CNTN3: variants seen among roughly 807,000 people sequenced by gnomAD.
The protein encoded by CNTN3 is contactin-3.
A neutral mutation model predicts 119.1 loss-of-function variants in CNTN3; 60 were observed. That is an observed-to-expected ratio of 0.50 (90% CI 0.41 to 0.62). The LOEUF is 0.62. Among genes scored for constraint, CNTN3 ranks in the 20% least tolerant of loss-of-function variants. The pLI, the probability that CNTN3 is intolerant of heterozygous loss-of-function variation, is 0.00. For synonymous variants in CNTN3, 450 were observed against 438.7 expected (o/e 1.03, Z -0.32); for missense variants, 1,101 against 1,242.4 (o/e 0.89, Z 1.71).
chr3:74,578,260 A>T (rs761846819), intron 1 of CNTN3, among the ~76,000 whole-genome samples: 4 of 152,082 alleles, frequency 2.6e-5, no homozygotes, highest in Non-Finnish European at 5.9e-5. Flanking sequence ...GGAAAAAAAT[A>T]CATTAATAAA....
intron 1 of CNTN3, among the ~76,000 whole-genome samples, chr3:74,590,950 T>C (rs1704692494): frequency 6.6e-6 from 1 of 151,976 alleles, no homozygotes; most frequent in African/African-American, 2.4e-5. Context: ...TATACATAAC[T>C]AGTTATTTTA....
intron 13 of CNTN3, among the ~76,000 whole-genome samples, chr3:74,331,412 C>T (rs907848966): frequency 2.0e-5 from 3 of 152,106 alleles, no homozygotes; most frequent in Admixed American, 1.3e-4. Context: ...TAAGTGCACC[C>T]TACGATGTCC....
intron 4 of CNTN3, among the ~76,000 whole-genome samples, chr3:74,447,621 C>G (rs1044258349): frequency 1.3e-5 from 2 of 152,190 alleles, no homozygotes; most frequent in South Asian, 2.1e-4. Context: ...GTTAACAGGT[C>G]TGAGATTTTC....
intron 5 of CNTN3, among the ~76,000 whole-genome samples, chr3:74,383,355 A>G (rs1704669497): frequency 6.6e-6 from 1 of 152,184 alleles, no homozygotes; most frequent in Non-Finnish European, 1.5e-5. Context: ...ATGCGTGTTG[A>G]ATGGGTCAAT....
intron 4 of CNTN3, among the ~76,000 whole-genome samples, chr3:74,435,048 T>C (rs1005664387): frequency 1.3e-5 from 2 of 152,248 alleles, no homozygotes; most frequent in African/African-American, 4.8e-5. Context: ...AGTTTGGCTC[T>C]TTCTTTTCCT....
At chr3:74,539,468 A>T (rs887114638) in intron 1 of CNTN3, among the ~76,000 whole-genome samples, 1 of 152,122 alleles carries the variant, frequency 6.6e-6, no homozygotes, top group Non-Finnish European at 1.5e-5. Flanking sequence ...TTTGCCCACC[A>T]TCACCAAGCT....
chr3:74,586,293 TAA>T (rs1198244626), intron 1 of CNTN3, among the ~76,000 whole-genome samples: 1 of 152,060 alleles, frequency 6.6e-6, no homozygotes, highest in Non-Finnish European at 1.5e-5. Flanking sequence ...CAAAAAAATA[TAA>T]AGTCATTAAT....
chr3:74,561,149 C>T (rs753141613), intron 1 of CNTN3, among the ~76,000 whole-genome samples: 3 of 150,680 alleles, frequency 2.0e-5, no homozygotes, highest in Non-Finnish European at 4.4e-5. Flanking sequence ...ACATTGTGCA[C>T]ATGTACCCTA....
chr3:74,348,237 T>A (rs532013016), intron 11 of CNTN3, among the ~76,000 whole-genome samples: 13 of 151,380 alleles, frequency 8.6e-5, no homozygotes, highest in African/African-American at 3.2e-4. Context: ...AGATATGATA[T>A]GATAATTAGC....
chr3:74,427,651 G>A (rs1701717753), intron 4 of CNTN3, among the ~76,000 whole-genome samples: 1 of 152,048 alleles, frequency 6.6e-6, no homozygotes, highest in Admixed American at 6.6e-5. Context: ...CATATTTAAT[G>A]GTGAAAGACC....
At chr3:74,532,619 G>T (rs1179612065) in intron 1 of CNTN3, among the ~76,000 whole-genome samples, 1 of 152,060 alleles carries the variant, frequency 6.6e-6, no homozygotes, top group Non-Finnish European at 1.5e-5. Flanking sequence ...CGTCCACAGC[G>T]TGGGTCCCCT....
At chr3:74,573,931 G>C (rs1445985028) in intron 1 of CNTN3, among the ~76,000 whole-genome samples, 2 of 152,052 alleles carry the variant, frequency 1.3e-5, no homozygotes, top group African/African-American at 4.8e-5. Context: ...ATGTGACCAA[G>C]CAGTCCTACT....
In CNTN3 at chr3:74,577,777, C is replaced by T. The variant is rs115556365; in HGVS notation, c.-81+36614G>A. Among the ~76,000 whole-genome samples, 1,281 of 152,042 alleles carry T rather than the reference C, an allele frequency of 8.4e-3. 15 individuals are homozygous for T. The highest frequency in any genetic ancestry group is 0.029 in the African/African-American group (1,217 of 41,498). ...TTTTAGCCAAAAGTTTTATCTTGAACTAATGATAGATGTTACTGACAGAAA... is the reference window on the plus strand; with the variant it reads ...TTTTAGCCAAAAGTTTTATCTTGAATTAATGATAGATGTTACTGACAGAAA... On this transcript the variant is annotated intron_variant, in intron 1 of 22. Coordinates refer to ENST00000263665, the MANE Select transcript of CNTN3 (RefSeq NM_020872.3).
intron 13 of CNTN3, among the ~76,000 whole-genome samples, chr3:74,315,972 T>C (rs979559729): frequency 6.6e-6 from 1 of 152,124 alleles, no homozygotes; most frequent in African/African-American, 2.4e-5. Flanking sequence ...TCAAAGGCAA[T>C]TGCAACGTAA....
chr3:74,497,565 T>C (rs1407252468), intron 3 of CNTN3, among the ~76,000 whole-genome samples: 1 of 151,938 alleles, frequency 6.6e-6, no homozygotes, highest in African/African-American at 2.4e-5. Context: ...TTAGTTTAAG[T>C]GAAATTTTAT....
chr3:74,281,727 G>A (rs915523236), intron 20 of CNTN3, among the ~76,000 whole-genome samples: 7 of 152,154 alleles, frequency 4.6e-5, no homozygotes, highest in Non-Finnish European at 8.8e-5. Context: ...ACTCGAGGGT[G>A]ACTCTGAGAT....
rs200494183 is a variant in CNTN3, at chr3:74,295,242, C to T, written c.2402-6G>A. The T allele has an allele frequency of 4.0e-5, 60 of 1,493,644 alleles. 1 individual carries two copies. In the African/African-American group the frequency reaches 6.1e-4, roughly 15 times the overall value. The allele number at this position is 1,493,644 out of a possible 1,614,324, so 92.5% of individuals were successfully genotyped here. A position where few individuals can be genotyped will look rare whatever the true frequency, so the allele number is the denominator to read the frequency against. On this transcript the variant is annotated splice_polypyrimidine_tract_variant and splice_region_variant and intron_variant, in intron 18 of 22. Transcript: ENST00000263665. ...AGATGGGGCCACTGTAGGCTCTGTT[C>T]GGAAACAGAAATTGAAATATGATGA... is the stretch of plus-strand genomic sequence containing the variant.
rs144511458 is a variant in CNTN3 at position 74,609,547 on chromosome 3, C to T, written c.-81+4844G>A. Among the ~76,000 whole-genome samples, 113 of 152,188 alleles carry T rather than the reference C, an allele frequency of 7.4e-4. 1 individual carries two copies. Among genetic ancestry groups the T allele is most frequent in the Admixed American group, 3.9e-3 (59 of 15,292 alleles). Reference sequence around the variant, plus strand: ...ACAGACCACCTAAGCTCTTAGGAAACGGATTGAGAGGAAAAATGATAATTC... The same window carrying T: ...ACAGACCACCTAAGCTCTTAGGAAATGGATTGAGAGGAAAAATGATAATTC... On this transcript the variant is annotated intron_variant, in intron 1 of 22. Transcript: ENST00000263665.
chr3:74,465,364 A>G (rs1301166643), intron 4 of CNTN3, among the ~76,000 whole-genome samples: 1 of 152,190 alleles, frequency 6.6e-6, no homozygotes, highest in Non-Finnish European at 1.5e-5. Context: ...CTCACGACTC[A>G]GTCAAAGAGT....
Sources: allele counts gnomAD v4.1 joint callset (sites outside exome capture counted in the v4.1 genomes callset), GRCh38; gene constraint gnomAD v4.1.1; transcripts MANE v1.5; gene names NCBI Gene and HGNC (gene_info 2026-07-23, HGNC 2026-07-21).